ARHGAP6: variants seen among roughly 807,000 people sequenced by gnomAD.
The protein encoded by ARHGAP6 is rho GTPase-activating protein 6.
A neutral mutation model predicts 55.7 loss-of-function variants in ARHGAP6; 16 were observed. That is an observed-to-expected ratio of 0.29 (90% CI 0.19 to 0.44). The LOEUF (loss-of-function observed/expected upper bound fraction) is 0.44, where lower values mean the gene tolerates loss of function less well. ARHGAP6 is among the 20% of genes least tolerant of loss of function. ARHGAP6 has a pLI of 1.00. For synonymous variants in ARHGAP6, 382 were observed against 360.9 expected (o/e 1.06, Z -0.66); for missense variants, 698 against 808.9 (o/e 0.86, Z 1.66).
chrX:11,595,733 GA>G (rs917024821), intron 1 of ARHGAP6, among the ~76,000 whole-genome samples: 9 of 110,256 alleles, frequency 8.2e-5, no homozygotes, highest in Admixed American at 3.9e-4. Context: ...TTTACAAGGG[GA>G]AAAAAAACCA....
intron 1 of ARHGAP6, among the ~76,000 whole-genome samples, chrX:11,539,549 T>A (rs1016690640): frequency 1.8e-5 from 2 of 112,007 alleles, no homozygotes; most frequent in African/African-American, 3.3e-5. Context: ...ACCATCCACA[T>A]GGGCATAAAC....
chrX:11,523,165 C>T (rs1451711272), intron 1 of ARHGAP6, among the ~76,000 whole-genome samples: 1 of 111,626 alleles, frequency 9.0e-6, no homozygotes, highest in Non-Finnish European at 1.9e-5. Flanking sequence ...GCAGAAAAGG[C>T]CTTTGACAAA....
chrX:11,273,895 G>A lies in ARHGAP6; in HGVS notation c.589-19188C>T, dbSNP rs752360967. On this transcript the variant is annotated intron_variant, in intron 1 of 12. Transcript: ENST00000337414. ...ACCCATTATTATTCCAGTCCCTTAT[G>A]GTGTACTCATGGTTTTAATCATTAA... is the stretch of plus-strand genomic sequence containing the variant. Among the ~76,000 whole-genome samples the A allele has an allele frequency of 2.8e-4, 31 of 111,423 alleles. No homozygotes were observed. In the South Asian group the frequency reaches 7.2e-3, roughly 26 times the overall value.
At position 11,428,377 on chromosome X, in the gene ARHGAP6, T is replaced by C. The variant is rs966920466; in HGVS notation, c.589-173670A>G. ...CCAGGGGGGCTTGCAGGGCACATTCTGTAGGTTCACAATAACCCTTAAAAC... is the reference window on the plus strand; with the variant it reads ...CCAGGGGGGCTTGCAGGGCACATTCCGTAGGTTCACAATAACCCTTAAAAC... On this transcript the variant is annotated intron_variant, in intron 1 of 12. Coordinates refer to ENST00000337414, the MANE Select transcript of ARHGAP6 (RefSeq NM_013427.3). Among the ~76,000 whole-genome samples the C allele has an allele frequency of 2.7e-5, 3 of 111,837 alleles. No homozygotes were observed. The East Asian group carries it at 8.5e-4, about 32-fold the overall frequency.
intron 1 of ARHGAP6, among the ~76,000 whole-genome samples, chrX:11,295,064 G>T (rs2147562231): frequency 1.8e-5 from 2 of 111,992 alleles, no homozygotes; most frequent in South Asian, 7.5e-4. Context: ...CGGGGCCCAG[G>T]ACTCTGCATT....
At chrX:11,343,132 G>T (rs1465866346) in intron 1 of ARHGAP6, among the ~76,000 whole-genome samples, 5 of 112,558 alleles carry the variant, frequency 4.4e-5, no homozygotes, top group African/African-American at 1.6e-4. Flanking sequence ...AAAGCTAAGG[G>T]AATTTGGATC....
Position 11,611,685 on chromosome X carries a change from A to C in ARHGAP6, c.588+52556T>G, listed in dbSNP as rs149685782. 1.4e-3 allele frequency among the ~76,000 whole-genome samples: 162 copies of C among 111,934 alleles called. 4 individuals carry two copies. In the East Asian group the frequency reaches 0.034, roughly 23 times the overall value. The stretch of plus-strand genomic sequence containing the variant: ...TTCAATTCAAACCAACAAGCAGTAA[A>C]TCCCCTCTTTACAATAGCCTGTCTC... On this transcript the variant is annotated intron_variant, in intron 1 of 12. Coordinates refer to ENST00000337414, the MANE Select transcript of ARHGAP6 (RefSeq NM_013427.3).
intron 1 of ARHGAP6, among the ~76,000 whole-genome samples, chrX:11,476,468 A>T (rs963533790): frequency 8.9e-6 from 1 of 111,957 alleles, no homozygotes; most frequent in Non-Finnish European, 1.9e-5. Context: ...TGCAGACATT[A>T]TAAAATTGTA....
chrX:11,318,656 T>C (rs967207157), intron 1 of ARHGAP6: 4 of 113,164 alleles, frequency 3.5e-5, no homozygotes, highest in African/African-American at 9.7e-5. Context: ...TTACTTTCCA[T>C]GGCAAAACCG....
intron 1 of ARHGAP6, among the ~76,000 whole-genome samples, chrX:11,434,376 G>T (rs1228039367): frequency 9.0e-6 from 1 of 111,388 alleles, no homozygotes; most frequent in Non-Finnish European, 1.9e-5. Flanking sequence ...TGAGCCCTGG[G>T]TCTCCACCCA....
chrX:11,460,352 A>G (rs894528161), intron 1 of ARHGAP6, among the ~76,000 whole-genome samples: 3 of 111,320 alleles, frequency 2.7e-5, no homozygotes, highest in African/African-American at 9.8e-5. Context: ...TGCCATCAAC[A>G]TGAGCTTGGA....
At chrX:11,197,742 T>G (rs2046559744) in intron 2 of ARHGAP6, among the ~76,000 whole-genome samples, 1 of 112,354 alleles carries the variant, frequency 8.9e-6, no homozygotes, top group African/African-American at 3.2e-5. Flanking sequence ...TTGCAACAAA[T>G]GTACTTAATG....
intron 1 of ARHGAP6, among the ~76,000 whole-genome samples, chrX:11,648,605 C>T (rs2052553841): frequency 9.0e-6 from 1 of 111,716 alleles, no homozygotes; most frequent in African/African-American, 3.3e-5. Flanking sequence ...TCTACATGAC[C>T]CCTTATAGCT....
chrX:11,510,582 C>T (rs1382166875), intron 1 of ARHGAP6, among the ~76,000 whole-genome samples: 1 of 111,184 alleles, frequency 9.0e-6, no homozygotes. Flanking sequence ...AAGTTATTCC[C>T]ATTTTGGTAA....
At chrX:11,332,403 T>G (rs921627236) in intron 1 of ARHGAP6, among the ~76,000 whole-genome samples, 1 of 111,648 alleles carries the variant, frequency 9.0e-6, no homozygotes, top group Non-Finnish European at 1.9e-5. Flanking sequence ...AACAAAAATG[T>G]TCTAGAGGAC....
chrX:11,354,323 C>CTATATATATATA (rs1555997400), intron 1 of ARHGAP6, among the ~76,000 whole-genome samples: 7 of 57,097 alleles, frequency 1.2e-4, no homozygotes, highest in Non-Finnish European at 2.2e-4. Flanking sequence ...CTCTCTCTCT[C>CTATATATATATA]TCTCTATATA....
intron 1 of ARHGAP6, among the ~76,000 whole-genome samples, chrX:11,277,684 G>C (rs748208749): frequency 2.0e-5 from 2 of 102,149 alleles, no homozygotes; most frequent in African/African-American, 7.2e-5. Flanking sequence ...GAAAAATTTA[G>C]AGGTTTCTAG....
At chrX:11,485,724 G>A (rs1223495881) in intron 1 of ARHGAP6, among the ~76,000 whole-genome samples, 1 of 112,093 alleles carries the variant, frequency 8.9e-6, no homozygotes, top group Non-Finnish European at 1.9e-5. Flanking sequence ...CAGGATTGGG[G>A]TGGGTAGGAT....
At chrX:11,472,592 G>C (rs1368841312) in intron 1 of ARHGAP6, among the ~76,000 whole-genome samples, 1 of 111,914 alleles carries the variant, frequency 8.9e-6, no homozygotes, top group Non-Finnish European at 1.9e-5. Flanking sequence ...CAGAATGCGT[G>C]AGCAGGGGCC....
Sources: allele counts gnomAD v4.1 joint callset (sites outside exome capture counted in the v4.1 genomes callset), GRCh38; gene constraint gnomAD v4.1.1; transcripts MANE v1.5; gene names NCBI Gene and HGNC (gene_info 2026-07-23, HGNC 2026-07-21).